ADAMTS14: variants seen among roughly 807,000 people sequenced by gnomAD.
The protein encoded by ADAMTS14 is A disintegrin and metalloproteinase with thrombospondin motifs 14.
ADAMTS14 carries 100 observed loss-of-function variants against 128.6 expected under a neutral mutation model. The ratio of observed to expected loss-of-function variants is 0.78; its 90% CI spans 0.66 to 0.92. The LOEUF (loss-of-function observed/expected upper bound fraction) is 0.92. Ranked by LOEUF, ADAMTS14 falls within the 40% of genes least tolerant of loss-of-function variation. ADAMTS14 has a pLI of 0.00. For synonymous variants in ADAMTS14, 665 were observed against 653.8 expected, an observed-to-expected ratio of 1.02 and a Z score of -0.26; for missense variants, 1,562 against 1,658.6, an observed-to-expected ratio of 0.94 and a Z score of 1.01.
chr10:70,698,583 C>T (rs747351407), intron 2 of ADAMTS14, among the ~76,000 whole-genome samples: 1 of 152,204 alleles, frequency 6.6e-6, no homozygotes, highest in African/African-American at 2.4e-5. Context: ...CCAGGCAGAG[C>T]CCAGACCTGG....
intron 3 of ADAMTS14, among the ~76,000 whole-genome samples, chr10:70,703,179 C>T (rs777811434): frequency 5.9e-5 from 9 of 152,148 alleles, no homozygotes; most frequent in Non-Finnish European, 1.0e-4. Context: ...GGTGTCCCTG[C>T]GCCCAGGCGA....
At chr10:70,722,362 C>T (rs1271176071) in intron 4 of ADAMTS14, among the ~76,000 whole-genome samples, 1 of 152,172 alleles carries the variant, frequency 6.6e-6, no homozygotes, top group East Asian at 1.9e-4. Context: ...CCTCTGTCTT[C>T]AAGCAATGTT....
At chr10:70,685,895 C>T (rs1389200528) in intron 2 of ADAMTS14, among the ~76,000 whole-genome samples, 1 of 152,134 alleles carries the variant, frequency 6.6e-6, no homozygotes, top group Non-Finnish European at 1.5e-5. Context: ...GGCTGCTTAA[C>T]TTCTGCGTGT....
At chr10:70,728,419 T>C (rs950910386) in intron 4 of ADAMTS14, among the ~76,000 whole-genome samples, 5 of 152,230 alleles carry the variant, frequency 3.3e-5, no homozygotes, top group African/African-American at 9.6e-5. Flanking sequence ...AGGTGTTTTG[T>C]ATTCATAAAC....
chr10:70,699,971 C>T (rs2046344230), intron 2 of ADAMTS14, among the ~76,000 whole-genome samples: 1 of 152,014 alleles, frequency 6.6e-6, no homozygotes, highest in South Asian at 2.1e-4. Flanking sequence ...ATGCTGTCTC[C>T]TGCTTGCTTG....
Position 70,732,358 on chromosome 10 carries a change from G to A in ADAMTS14, c.1207G>A (p.Val403Met), listed in dbSNP as rs1156531568. Residue 403 changes from valine to methionine, a missense_variant and splice_region_variant, in exon 7 of 22, where the codon GTG becomes ATG. Transcript: ENST00000373207. ...AFVIAHETGH[V>M]LGMEHDGQGN... is the part of the protein sequence containing the mutation. ...CGTGATAGCTCATGAGACCGGCCAC[G>A]TGTAAGTGGCAGCAGCACGGTGGGT... 9 of 1,612,528 alleles carry A rather than the reference G, an allele frequency of 5.6e-6. No homozygotes were observed. The highest frequency in any genetic ancestry group is 2.2e-5 in the South Asian group (2 of 91,020).
rs1841734262 is a variant in ADAMTS14 at position 70,733,912 on chromosome 10, G to A, written c.1236G>A (p.Gly412=). ...TCGGCATGGAGCATGACGGTCAGGG[G>A]AATGGCTGTGCAGATGAGACCAGCC... ...HVLGMEHDGQ[G]NGCADETSLG... The change falls in exon 8 of 22, where the codon GGG becomes GGA. Residue 412 remains glycine, a synonymous_variant. Transcript: ENST00000373207. 6.2e-7 allele frequency: 1 copy of A among 1,613,628 alleles called. No homozygotes were observed. Among genetic ancestry groups the A allele is most frequent in the Non-Finnish European group, 8.5e-7 (1 of 1,179,918 alleles).
intron 2 of ADAMTS14, among the ~76,000 whole-genome samples, 163 bp downstream of exon 2, chr10:70,675,158 C>T (rs1839608905): frequency 6.6e-6 from 1 of 152,188 alleles, no homozygotes; most frequent in Admixed American, 6.5e-5. Context: ...TAGGTTCATG[C>T]GCTGCCAGGT....
intron 14 of ADAMTS14, among the ~76,000 whole-genome samples, chr10:70,744,431 C>T (rs764100772): frequency 2.0e-5 from 3 of 152,208 alleles, no homozygotes; most frequent in Non-Finnish European, 2.9e-5. Flanking sequence ...GACATTTTCC[C>T]GCTAGGTAAA....
At chr10:70,706,776 A>G (rs1840680716) in intron 3 of ADAMTS14, among the ~76,000 whole-genome samples, 1 of 152,224 alleles carries the variant, frequency 6.6e-6, no homozygotes, top group African/African-American at 2.4e-5. Context: ...AGAGGAGATA[A>G]AAACAAATGG....
chr10:70,731,901 C>T (rs1841651090), intron 6 of ADAMTS14, among the ~76,000 whole-genome samples: 1 of 152,144 alleles, frequency 6.6e-6, no homozygotes, highest in Admixed American at 6.5e-5. Flanking sequence ...AATGCTGCCC[C>T]CAACTCCTGC....
Position 70,672,774 on chromosome 10 carries a change from T to C in ADAMTS14, c.-29T>C. ...AGCCTGGGACTTGGGGATCGGGCGC[T>C]TGCCCAGCCCGCGTCCCAGCGCGGC... On this transcript the variant is annotated 5_prime_UTR_variant, in exon 1 of 22. Coordinates refer to ENST00000373207, the MANE Select transcript of ADAMTS14 (RefSeq NM_080722.4). The C allele has an allele frequency of 2.7e-6, 4 of 1,492,214 alleles. No individual in the cohort carries two copies. Among genetic ancestry groups the C allele is most frequent in the Non-Finnish European group, 3.6e-6 (4 of 1,125,662 alleles). 92.4% of individuals were successfully genotyped at this position (1,492,214 alleles called of 1,614,324 possible). A position where few individuals can be genotyped will look rare whatever the true frequency, so the allele number is the denominator to read the frequency against.
chr10:70,715,722 T>A (rs12217929), intron 4 of ADAMTS14, among the ~76,000 whole-genome samples: 4 of 152,010 alleles, frequency 2.6e-5, no homozygotes, highest in African/African-American at 9.7e-5. Flanking sequence ...TTTCTTTCTA[T>A]TGGGCAAAGT....
intron 17 of ADAMTS14, 63 bp from the exon 18 acceptor site, chr10:70,752,032 G>T: frequency 6.4e-7 from 1 of 1,564,356 alleles, no homozygotes; most frequent in Non-Finnish European, 8.7e-7. Context: ...TGCCCCTGAG[G>T]CCCCACCAGG....
In ADAMTS14 at chr10:70,757,979, A is replaced by G. The variant is rs1842518172; in HGVS notation, c.2955A>G (p.Gly985=). The change falls in exon 20 of 22, where the codon GGA becomes GGG. Residue 985 remains glycine, a synonymous_variant. Transcript: ENST00000373207. ...GAWSQCSATC[G]EGIQQRQVVC... is the part of the protein sequence containing the mutation. ...CACGGCAGTGCTCTGCCACCTGTGG[A>G]GAGGGCATCCAGCAGCGGCAGGTGG... is the stretch of plus-strand genomic sequence containing the variant. The G allele has an allele frequency of 6.2e-7, 1 of 1,612,046 alleles. No individual in the cohort carries two copies. Among genetic ancestry groups the G allele is most frequent in the Admixed American group, 1.7e-5 (1 of 59,918 alleles).
rs530904628 is a variant in ADAMTS14 at position 70,743,736 on chromosome 10, A to G, written c.2058+55A>G. ...CGGCACAGGGAGACTGGAGGGCTGC[A>G]CTGTAGCCCCTCCTGCCTGGGAAGA... On this transcript the variant is annotated intron_variant, in intron 13 of 21. Coordinates refer to ENST00000373207, the MANE Select transcript of ADAMTS14 (RefSeq NM_080722.4). 6.7e-6 allele frequency: 10 copies of G among 1,491,434 alleles called. No homozygotes were observed. In the East Asian group the frequency reaches 7.3e-5, roughly 11 times the overall value. The allele number at this position is 1,491,434 out of a possible 1,614,324, so 92.4% of individuals were successfully genotyped here. A position where few individuals can be genotyped will look rare whatever the true frequency, so the allele number is the denominator to read the frequency against.
At chr10:70,689,074 C>G (rs1024932802) in intron 2 of ADAMTS14, among the ~76,000 whole-genome samples, 2 of 112,694 alleles carry the variant, frequency 1.8e-5, no homozygotes, top group Admixed American at 1.7e-4. Context: ...CCTGAAGAGG[C>G]CTGTGTTCCA....
intron 2 of ADAMTS14, 152 bp downstream of exon 2, chr10:70,675,147 CT>C: frequency 1.1e-6 from 1 of 939,282 alleles, no homozygotes; most frequent in Non-Finnish European, 1.6e-6. Context: ...CCGCGGGCCA[CT>C]AGGTTCATGC....
At chr10:70,675,280 T>C (rs911089262) in intron 2 of ADAMTS14, among the ~76,000 whole-genome samples, 4 of 152,190 alleles carry the variant, frequency 2.6e-5, no homozygotes, top group African/African-American at 9.7e-5. Flanking sequence ...GGGTTGGAAG[T>C]GTGGCTGAGC....
Sources: gnomAD v4.1 joint callset for allele counts (sites outside exome capture counted in the v4.1 genomes callset) on GRCh38, gnomAD v4.1.1 for gene constraint, MANE v1.5 for transcripts, NCBI Gene and HGNC (gene_info 2026-07-23, HGNC 2026-07-21) for gene names.